Variants in DOCK7 observed in about 807,000 individuals in gnomAD.
DOCK7 encodes dedicator of cytokinesis protein 7.
DOCK7 carries 138 observed loss-of-function variants against 271.0 expected under a neutral mutation model. The ratio of observed to expected loss-of-function variants is 0.51; its 90% CI spans 0.44 to 0.59. The LOEUF (loss-of-function observed/expected upper bound fraction) is 0.59, where lower values mean the gene tolerates loss of function less well. Ranked by LOEUF, DOCK7 falls within the 20% of genes least tolerant of loss-of-function variation. DOCK7 has a pLI of 0.00. For synonymous variants in DOCK7, 823 were observed against 876.1 expected, an observed-to-expected ratio of 0.94 and a Z score of 1.07; for missense variants, 2,066 against 2,592.4, an observed-to-expected ratio of 0.80 and a Z score of 4.41.
chr1:62,661,437 T>C (rs990605130), intron 2 of DOCK7, among the ~76,000 whole-genome samples: 1 of 152,140 alleles, frequency 6.6e-6, no homozygotes, highest in African/African-American at 2.4e-5. Flanking sequence ...TTTTATGTTA[T>C]GTATATTTTA....
At chr1:62,604,901 T>A in intron 14 of DOCK7, 2 of 1,418,846 alleles carry the variant, frequency 1.4e-6, no homozygotes, top group Admixed American at 3.6e-5. Flanking sequence ...ATTAAATCCT[T>A]AAGAGAAAGC....
chr1:62,491,640 T>A (rs1350411660), intron 41 of DOCK7, among the ~76,000 whole-genome samples: 2 of 152,196 alleles, frequency 1.3e-5, no homozygotes, highest in Non-Finnish European at 2.9e-5. Flanking sequence ...AGGATTACTA[T>A]GCAACCAATG....
intron 46 of DOCK7, 145 bp from the exon 47 acceptor site, chr1:62,475,496 T>TA: frequency 9.1e-7 from 1 of 1,093,250 alleles, no homozygotes; most frequent in Admixed American, 3.5e-5. Context: ...GATTCCTAAA[T>TA]GAAAAAAAAA....
At chr1:62,646,194 C>A (rs1656641418) in intron 7 of DOCK7, among the ~76,000 whole-genome samples, 1 of 151,100 alleles carries the variant, frequency 6.6e-6, no homozygotes, top group South Asian at 2.1e-4. Context: ...CTCATATATG[C>A]TATAACACAG....
intron 11 of DOCK7, among the ~76,000 whole-genome samples, 199 bp from the exon 12 acceptor site, chr1:62,625,600 G>C (rs1355734201): frequency 6.6e-6 from 1 of 152,092 alleles, no homozygotes; most frequent in African/African-American, 2.4e-5. Flanking sequence ...AACATCACAG[G>C]TGTAAAAATA....
chr1:62,532,245 G>T (rs1645197186), intron 29 of DOCK7, among the ~76,000 whole-genome samples: 1 of 152,138 alleles, frequency 6.6e-6, no homozygotes, highest in African/African-American at 2.4e-5. Flanking sequence ...ATGTTGGCCA[G>T]GCTGGTCTCA....
intron 2 of DOCK7, among the ~76,000 whole-genome samples, chr1:62,659,572 C>T (rs1658431674): frequency 1.3e-5 from 2 of 152,024 alleles, no homozygotes; most frequent in African/African-American, 4.8e-5. Flanking sequence ...CAAATTTATA[C>T]ATTGTATTAT....
At chr1:62,625,180 G>C in intron 12 of DOCK7, 79 bp downstream of exon 12, 3 of 1,459,442 alleles carry the variant, frequency 2.1e-6, no homozygotes, top group Non-Finnish European at 2.8e-6. Flanking sequence ...TACATGTATA[G>C]TACAATCACT....
chr1:62,544,144 T>A (rs1645625034), intron 23 of DOCK7, among the ~76,000 whole-genome samples: 1 of 152,062 alleles, frequency 6.6e-6, no homozygotes, highest in Non-Finnish European at 1.5e-5. Context: ...AAAGAAAAAG[T>A]TTAGAATAAT....
chr1:62,597,500 A>G, intron 14 of DOCK7: 1 of 1,563,156 alleles, frequency 6.4e-7, no homozygotes, highest in Non-Finnish European at 8.7e-7. Context: ...TATAGAGTTA[A>G]GAAGTCTAGG....
chr1:62,546,690 A>C (rs1645719798), intron 22 of DOCK7, among the ~76,000 whole-genome samples: 1 of 152,152 alleles, frequency 6.6e-6, no homozygotes, highest in African/African-American at 2.4e-5. Flanking sequence ...AATGCTTTCT[A>C]TCAAAGTAAA....
chr1:62,571,141 T>A (rs1646762107), intron 18 of DOCK7, among the ~76,000 whole-genome samples: 1 of 151,984 alleles, frequency 6.6e-6, no homozygotes, highest in African/African-American at 2.4e-5. Flanking sequence ...GGAGAGAAAT[T>A]TTGCAACCTA....
intron 18 of DOCK7, among the ~76,000 whole-genome samples, chr1:62,563,588 T>A (rs938542017): frequency 6.6e-6 from 1 of 152,078 alleles, no homozygotes; most frequent in African/African-American, 2.4e-5. Flanking sequence ...TCATTTTTTA[T>A]CATGTATAGA....
intron 31 of DOCK7, among the ~76,000 whole-genome samples, chr1:62,524,303 A>G (rs1307345278): frequency 6.6e-6 from 1 of 152,224 alleles, no homozygotes; most frequent in Non-Finnish European, 1.5e-5. Context: ...TCTGGAAAAT[A>G]GTTGGCCATT....
chr1:62,688,334 T>C lies in DOCK7; in HGVS notation c.-70A>G. On this transcript the variant is annotated 5_prime_UTR_variant, in exon 1 of 50. Transcript: ENST00000635253. ...GGGTGCGGACCGGCGGGCGCGTGCC[T>C]CCTCGCTCGTGCTCCCTCCCTCGCG... 3 of 1,042,576 alleles carry C rather than the reference T, an allele frequency of 2.9e-6. No homozygotes were observed. Among genetic ancestry groups the C allele is most frequent in the Non-Finnish European group, 3.6e-6 (3 of 830,862 alleles). 64.6% of individuals were successfully genotyped at this position (1,042,576 alleles called of 1,614,324 possible).
rs768802285 is a variant in DOCK7, at chr1:62,604,160, G to A, written c.1682+14546C>T. ...TGGCAATGTCCCCAATGCAATCCCG[G>A]AAAACAAAGATTTGGTGTTTTCTAC... On this transcript the variant is annotated intron_variant, in intron 14 of 49. Transcript: ENST00000635253. The A allele has an allele frequency of 9.9e-6, 16 of 1,613,188 alleles. No homozygotes were observed. The South Asian group carries it at 1.4e-4, about 14-fold the overall frequency.
rs137906463 is a variant in DOCK7, at chr1:62,621,745, T to G, written c.1426-1752A>C. 1.1e-3 allele frequency among the ~76,000 whole-genome samples: 165 copies of G among 152,358 alleles called. 3 individuals are homozygous for G. In the East Asian group the frequency reaches 0.026, roughly 24 times the overall value. On this transcript the variant is annotated intron_variant, in intron 12 of 49. Coordinates refer to ENST00000635253, the MANE Select transcript of DOCK7 (RefSeq NM_001367561.1). ...TTCTTCAGTGACCCAATATAACTAA[T>G]TATTGTAAATGTTCTATCAGTTGTT... is the stretch of plus-strand genomic sequence containing the variant.
In DOCK7 at chr1:62,504,618, T is replaced by C; in HGVS notation, c.4764+12A>G. The stretch of plus-strand genomic sequence containing the variant: ...TTATGAATACAGAGAATTTTCATGA[T>C]AAAATACTTACATTCCCAATCTCAA... On this transcript the variant is annotated intron_variant, in intron 37 of 49. Transcript: ENST00000635253. 6.2e-7 allele frequency: 1 copy of C among 1,606,046 alleles called. No homozygotes were observed. Among genetic ancestry groups the C allele is most frequent in the Non-Finnish European group, 8.5e-7 (1 of 1,177,324 alleles).
intron 37 of DOCK7, 36 bp from the exon 38 acceptor site, chr1:62,496,533 T>A (rs749840066): frequency 1.2e-5 from 19 of 1,554,304 alleles, no homozygotes; most frequent in Non-Finnish European, 1.6e-5. Flanking sequence ...ATACTTAATA[T>A]AGAAAAGCTT....
Sources: allele counts gnomAD v4.1 joint callset (sites outside exome capture counted in the v4.1 genomes callset), GRCh38; gene constraint gnomAD v4.1.1; transcripts MANE v1.5; gene names NCBI Gene and HGNC (gene_info 2026-07-23, HGNC 2026-07-21).